Variants in CAMTA1 observed in about 807,000 individuals in gnomAD.
CAMTA1 encodes the protein calmodulin-binding transcription activator 1.
Under a neutral mutation model 170.9 loss-of-function variants are expected in CAMTA1, and 27 were observed. That is an observed-to-expected ratio of 0.16 (90% CI 0.12 to 0.22). The LOEUF (loss-of-function observed/expected upper bound fraction) is 0.22. Among genes scored for constraint, CAMTA1 ranks in the 10% least tolerant of loss-of-function variants. CAMTA1 has a pLI of 1.00. For synonymous variants in CAMTA1, 833 were observed against 891.5 expected, an observed-to-expected ratio of 0.93 and a Z score of 1.17; for missense variants, 1,619 against 2,217.2, an observed-to-expected ratio of 0.73 and a Z score of 5.42.
chr1:6,942,210 C>T (rs894428146), intron 3 of CAMTA1, among the ~76,000 whole-genome samples: 1 of 152,124 alleles, frequency 6.6e-6, no homozygotes, highest in African/African-American at 2.4e-5. Flanking sequence ...TCAACTATGG[C>T]AAGTTGCCCC....
rs138185774 is a variant in CAMTA1, at chr1:7,188,199, C to A, written c.303-61292C>A. Among the ~76,000 whole-genome samples the A allele has an allele frequency of 2.2e-4, 34 of 152,246 alleles. No individual in the cohort carries two copies. In the East Asian group the frequency reaches 5.0e-3, roughly 22 times the overall value. ...TCCAATCACCTCCCACCAGTCTCTC[C>A]CACAACACCTGAGGATTACAATTCA... On this transcript the variant is annotated intron_variant, in intron 4 of 22. Transcript: ENST00000303635.
chr1:7,448,330 G>A (rs1043190815), intron 5 of CAMTA1, among the ~76,000 whole-genome samples: 3 of 152,214 alleles, frequency 2.0e-5, no homozygotes, highest in African/African-American at 7.2e-5. Flanking sequence ...TGTGAAACCT[G>A]ACGTTTCCTT....
intron 1 of CAMTA1, among the ~76,000 whole-genome samples, chr1:6,799,071 TATTA>T (rs1398149034): frequency 3.9e-5 from 6 of 152,114 alleles, no homozygotes; most frequent in Admixed American, 2.6e-4. Flanking sequence ...CGTTACTTAT[TATTA>T]ATTAAAAAAA....
At chr1:7,499,832 A>ATATGAG (rs2093948544) in intron 6 of CAMTA1, among the ~76,000 whole-genome samples, 5 of 117,528 alleles carry the variant, frequency 4.3e-5, no homozygotes, top group Non-Finnish European at 3.5e-5. Flanking sequence ...ATGCATATGT[A>ATATGAG]TGTGTGTGTG....
chr1:7,390,071 C>G (rs563408506), intron 5 of CAMTA1, among the ~76,000 whole-genome samples: 1 of 152,188 alleles, frequency 6.6e-6, no homozygotes, highest in Non-Finnish European at 1.5e-5. Context: ...CCCTGCCGGA[C>G]GGCTCTGGGT....
chr1:7,123,575 C>T lies in CAMTA1; in HGVS notation c.302+32204C>T, dbSNP rs116264401. Among the ~76,000 whole-genome samples, 642 of 152,250 alleles carry T rather than the reference C, an allele frequency of 4.2e-3. 7 individuals carry two copies. The highest frequency in any genetic ancestry group is 0.014 in the African/African-American group (577 of 41,518). ...GTGAGTGTGCCAGGCTCTTTCTCACCGCTCGCCTTCACCCAGGCACATGTG... is the reference window on the plus strand; with the variant it reads ...GTGAGTGTGCCAGGCTCTTTCTCACTGCTCGCCTTCACCCAGGCACATGTG... On this transcript the variant is annotated intron_variant, in intron 4 of 22. Transcript: ENST00000303635.
intron 3 of CAMTA1, among the ~76,000 whole-genome samples, chr1:6,856,629 C>T (rs1213300661): frequency 6.6e-6 from 1 of 152,056 alleles, no homozygotes; most frequent in Non-Finnish European, 1.5e-5. Flanking sequence ...CAAAGGGAGA[C>T]AGCCATTGAG....
At chr1:7,329,343 G>C (rs1182436094) in intron 5 of CAMTA1, among the ~76,000 whole-genome samples, 1 of 152,130 alleles carries the variant, frequency 6.6e-6, no homozygotes. Flanking sequence ...TTGCAGGTGT[G>C]TTCAAAATTA....
intron 3 of CAMTA1, among the ~76,000 whole-genome samples, chr1:6,978,002 A>G (rs1489169425): frequency 2.0e-5 from 3 of 152,172 alleles, no homozygotes; most frequent in Admixed American, 6.5e-5. Flanking sequence ...GGATCTAACA[A>G]TCAAAACAGT....
intron 5 of CAMTA1, among the ~76,000 whole-genome samples, chr1:7,351,795 A>G (rs1181732143): frequency 6.6e-6 from 1 of 152,236 alleles, no homozygotes; most frequent in Admixed American, 6.5e-5. Flanking sequence ...CCAGCGTTGC[A>G]GGATAAGATA....
At chr1:7,203,835 C>CTT (rs755506381) in intron 4 of CAMTA1, among the ~76,000 whole-genome samples, 6 of 139,912 alleles carry the variant, frequency 4.3e-5, no homozygotes, top group Admixed American at 7.2e-5. Context: ...ACTTTTCTTT[C>CTT]TTTTTTTTTT....
intron 5 of CAMTA1, among the ~76,000 whole-genome samples, chr1:7,250,627 G>A (rs74051685): frequency 0.063 from 9,625 of 152,216 alleles, 972 homozygotes; most frequent in African/African-American, 0.21. Context: ...GACATGCTTT[G>A]TCATGATGAC....
In CAMTA1 at chr1:7,129,153, AG is replaced by A. The variant is rs1645104824; in HGVS notation, c.302+37783del. 1.3e-5 allele frequency among the ~76,000 whole-genome samples: 2 copies of A among 152,058 alleles called. 1 individual carries two copies. The highest frequency in any genetic ancestry group is 2.9e-5 in the Non-Finnish European group (2 of 67,996). On this transcript the variant is annotated intron_variant, in intron 4 of 22. Transcript: ENST00000303635. ...ACGCCCAGCCTAGCCCCATTTTTAA[AG>A]AAGAAGACTATAAGGTCACTTGCCC...
chr1:7,107,463 C>G (rs149900330), intron 4 of CAMTA1, among the ~76,000 whole-genome samples: 2 of 152,024 alleles, frequency 1.3e-5, no homozygotes, highest in African/African-American at 4.8e-5. Flanking sequence ...CTGATAGGGT[C>G]GGGAGAGACA....
chr1:7,345,633 A>G (rs2084167938), intron 5 of CAMTA1, among the ~76,000 whole-genome samples: 1 of 152,234 alleles, frequency 6.6e-6, no homozygotes, highest in Non-Finnish European at 1.5e-5. Flanking sequence ...TGGGAATAAC[A>G]GGCTGCTAGA....
chr1:7,542,866 TG>T (rs1378495799), intron 6 of CAMTA1, among the ~76,000 whole-genome samples: 6 of 151,148 alleles, frequency 4.0e-5, no homozygotes, highest in African/African-American at 1.5e-4. Context: ...TGTGTGTGTG[TG>T]TGTGTGTGTG....
chr1:7,582,368 C>G (rs544708737), intron 6 of CAMTA1, among the ~76,000 whole-genome samples: 1 of 152,280 alleles, frequency 6.6e-6, no homozygotes, highest in East Asian at 1.9e-4. Flanking sequence ...TTCACCCACC[C>G]CCTACCCTGC....
intron 3 of CAMTA1, among the ~76,000 whole-genome samples, chr1:6,914,747 G>T (rs565220057): frequency 6.6e-6 from 1 of 152,340 alleles, no homozygotes; most frequent in East Asian, 1.9e-4. Context: ...TAGTTTAGCT[G>T]GGCTGAGGCG....
At chr1:6,856,247 A>G (rs1662309607) in intron 3 of CAMTA1, among the ~76,000 whole-genome samples, 1 of 150,488 alleles carries the variant, frequency 6.6e-6, no homozygotes, top group Admixed American at 6.6e-5. Context: ...GGAAGGCTGT[A>G]TATATCAAGA....
Sources: gnomAD v4.1 joint callset for allele counts (sites outside exome capture counted in the v4.1 genomes callset) on GRCh38, gnomAD v4.1.1 for gene constraint, MANE v1.5 for transcripts, NCBI Gene and HGNC (gene_info 2026-07-23, HGNC 2026-07-21) for gene names.